TMEM178B: variants seen among roughly 807,000 people sequenced by gnomAD.
TMEM178B encodes transmembrane protein 178B.
TMEM178B carries 5 observed loss-of-function variants against 31.0 expected under a neutral mutation model. The observed-to-expected ratio is 0.16, with a 90% CI of 0.08 to 0.34. The LOEUF is 0.34. Ranked by LOEUF, TMEM178B falls within the 10% of genes least tolerant of loss-of-function variation. The pLI, the probability that TMEM178B is intolerant of heterozygous loss-of-function variation, is 1.00. For missense variants in TMEM178B, 275 were observed against 400.3 expected (o/e 0.69, Z 2.67); for synonymous variants, 164 against 164.0 (o/e 1.00, Z 0.00).
intron 1 of TMEM178B, among the ~76,000 whole-genome samples, chr7:141,172,770 T>C (rs1796368869): frequency 6.6e-6 from 1 of 152,232 alleles, no homozygotes; most frequent in South Asian, 2.1e-4. Context: ...TAGTCTGCTG[T>C]ACTTAATTTT....
At chr7:141,458,733 T>C (rs529597628) in intron 3 of TMEM178B, among the ~76,000 whole-genome samples, 1 of 152,366 alleles carries the variant, frequency 6.6e-6, no homozygotes, top group African/African-American at 2.4e-5. Flanking sequence ...TTCATTATTA[T>C]GGCTCTTCAA....
chr7:141,322,083 C>G (rs1294951017), intron 2 of TMEM178B, among the ~76,000 whole-genome samples: 1 of 152,128 alleles, frequency 6.6e-6, no homozygotes, highest in Non-Finnish European at 1.5e-5. Context: ...GGTCCAGGAC[C>G]AGCCTGTCTC....
chr7:141,405,189 T>A (rs1265912079), intron 2 of TMEM178B, among the ~76,000 whole-genome samples: 1 of 152,230 alleles, frequency 6.6e-6, no homozygotes, highest in African/African-American at 2.4e-5. Flanking sequence ...GTGGAGGGCA[T>A]AGGGATATAG....
chr7:141,442,447 C>T (rs1801678722), intron 3 of TMEM178B, among the ~76,000 whole-genome samples: 1 of 152,180 alleles, frequency 6.6e-6, no homozygotes, highest in African/African-American at 2.4e-5. Context: ...GGCCCAATAG[C>T]TTCCAGTTGA....
intron 2 of TMEM178B, among the ~76,000 whole-genome samples, chr7:141,239,596 C>T (rs148741884): frequency 4.3e-4 from 66 of 152,284 alleles, no homozygotes; most frequent in Non-Finnish European, 8.7e-4. Flanking sequence ...ACTAGAAGAT[C>T]CCATGCCTCC....
intron 2 of TMEM178B, among the ~76,000 whole-genome samples, chr7:141,319,074 TA>T (rs1475933016): frequency 1.6e-4 from 25 of 152,244 alleles, no homozygotes; most frequent in African/African-American, 6.0e-4. Context: ...GCAGAAGGCT[TA>T]GAAGTAGCAT....
At chr7:141,493,939 A>G in the TMEM178B span, among the ~76,000 whole-genome samples, 1 of 152,132 alleles carries the variant, frequency 6.6e-6, no homozygotes, top group Non-Finnish European at 1.5e-5. Flanking sequence ...TTGAAAACCT[A>G]TGTATGCATC....
chr7:141,421,923 C>G (rs1801218043), intron 2 of TMEM178B, among the ~76,000 whole-genome samples: 1 of 151,846 alleles, frequency 6.6e-6, no homozygotes, highest in Non-Finnish European at 1.5e-5. Flanking sequence ...ATGGGAGACT[C>G]CATAGATTTG....
At chr7:141,315,566 T>G (rs1207564078) in intron 2 of TMEM178B, among the ~76,000 whole-genome samples, 1 of 152,252 alleles carries the variant, frequency 6.6e-6, no homozygotes, top group Admixed American at 6.5e-5. Context: ...AATATTCATC[T>G]CAACACTGAT....
chr7:141,191,685 G>A (rs1182299445), intron 1 of TMEM178B, among the ~76,000 whole-genome samples: 2 of 152,142 alleles, frequency 1.3e-5, no homozygotes, highest in South Asian at 2.1e-4. Flanking sequence ...TTTTTAAATT[G>A]TATTGGTTGA....
chr7:141,083,845 A>G (rs1794732074), intron 1 of TMEM178B, among the ~76,000 whole-genome samples: 1 of 151,936 alleles, frequency 6.6e-6, no homozygotes, highest in South Asian at 2.1e-4. Context: ...TAGTGTGTGG[A>G]ATACTTCGTA....
At chr7:141,366,858 G>A (rs563676741) in intron 2 of TMEM178B, among the ~76,000 whole-genome samples, 10 of 152,006 alleles carry the variant, frequency 6.6e-5, no homozygotes, top group African/African-American at 9.7e-5. Flanking sequence ...CAGGCTCTCC[G>A]GCCCACAGTA....
chr7:141,120,186 C>A (rs940955533), intron 1 of TMEM178B, among the ~76,000 whole-genome samples: 1 of 152,126 alleles, frequency 6.6e-6, no homozygotes, highest in Admixed American at 6.5e-5. Flanking sequence ...TCAACTCTTC[C>A]CTTTAGAAGT....
intron 2 of TMEM178B, among the ~76,000 whole-genome samples, chr7:141,334,502 TGAA>T (rs1481708596): frequency 6.6e-6 from 1 of 152,160 alleles, no homozygotes; most frequent in Non-Finnish European, 1.5e-5. Context: ...TGCAGGGACC[TGAA>T]GAAGATGAAT....
chr7:141,360,014 A>G (rs1434349263), intron 2 of TMEM178B, among the ~76,000 whole-genome samples: 5 of 152,126 alleles, frequency 3.3e-5, no homozygotes, highest in African/African-American at 1.2e-4. Flanking sequence ...TCATGATTCA[A>G]TTATCTCCCA....
downstream of TMEM178B, among the ~76,000 whole-genome samples, chr7:141,482,415 A>C (rs1802494369): frequency 1.3e-5 from 2 of 152,114 alleles, no homozygotes; most frequent in African/African-American, 4.8e-5. Context: ...TTTCCTTGGG[A>C]TCCTCGCAGG....
At chr7:141,289,851 T>G (rs1396630644) in intron 2 of TMEM178B, among the ~76,000 whole-genome samples, 1 of 150,900 alleles carries the variant, frequency 6.6e-6, no homozygotes, top group African/African-American at 2.4e-5. Flanking sequence ...TGGAACAAAG[T>G]TGGCCAGGCA....
chr7:141,298,522 T>C (rs1798673064), intron 2 of TMEM178B, among the ~76,000 whole-genome samples: 1 of 152,242 alleles, frequency 6.6e-6, no homozygotes. Context: ...TCACAACTTG[T>C]GCAGACCAAC....
chr7:141,215,788 TTCTTTCTTTC>T (rs1450137210), intron 2 of TMEM178B, among the ~76,000 whole-genome samples: 1,590 of 67,708 alleles, frequency 0.023, 33 homozygotes, highest in African/African-American at 0.076. Flanking sequence ...CTTTCTTTCT[TTCTTTCTTTC>T]TTTCTTTCTT....
Sources: allele counts gnomAD v4.1 joint callset (sites outside exome capture counted in the v4.1 genomes callset), GRCh38; gene constraint gnomAD v4.1.1; transcripts MANE v1.5; gene names NCBI Gene and HGNC (gene_info 2026-07-23, HGNC 2026-07-21).